The following ANKRD18B variants were observed in gnomAD, a reference collection of about 807,000 sequenced individuals.
ANKRD18B encodes the protein ankyrin repeat domain-containing protein 18B.
ANKRD18B carries 75 observed loss-of-function variants against 111.8 expected under a neutral mutation model. The observed-to-expected ratio is 0.67, with a 90% confidence interval of 0.56 to 0.81. The LOEUF (loss-of-function observed/expected upper bound fraction) is 0.81, where lower values mean the gene tolerates loss of function less well. Among genes scored for constraint, ANKRD18B ranks in the 40% least tolerant of loss-of-function variants. ANKRD18B has a pLI of 0.00. For synonymous variants in ANKRD18B, 356 were observed against 417.3 expected, an observed-to-expected ratio of 0.85 and a Z score of 1.79; for missense variants, 1,038 against 1,225.5, an observed-to-expected ratio of 0.85 and a Z score of 2.28.
At chr9:33,535,508 C>T (rs1367349612) in intron 5 of ANKRD18B, among the ~76,000 whole-genome samples, 1 of 151,604 alleles carries the variant, frequency 6.6e-6, no homozygotes, top group African/African-American at 2.4e-5. Flanking sequence ...AGGATGGTCT[C>T]GATCTCCTGA....
chr9:33,530,476 G>A (rs549660061), intron 3 of ANKRD18B, among the ~76,000 whole-genome samples: 30 of 138,626 alleles, frequency 2.2e-4, no homozygotes, highest in African/African-American at 7.0e-4. Context: ...GTGAAACCCC[G>A]TCTCTACTAA....
At chr9:33,574,935 A>T (rs1328830964), downstream of ANKRD18B, among the ~76,000 whole-genome samples, 1 of 152,110 alleles carries the variant, frequency 6.6e-6, no homozygotes, top group Non-Finnish European at 1.5e-5. Context: ...GACACACAGC[A>T]GTCTCTGTGA....
chr9:33,537,116 G>A (rs1828213610), intron 6 of ANKRD18B, among the ~76,000 whole-genome samples, 171 bp downstream of exon 6: 2 of 152,068 alleles, frequency 1.3e-5, no homozygotes, highest in African/African-American at 4.8e-5. Flanking sequence ...GGCTAACATG[G>A]TGAAACCCCA....
At chr9:33,526,920 C>A (rs1295370828) in intron 1 of ANKRD18B, among the ~76,000 whole-genome samples, 1 of 152,148 alleles carries the variant, frequency 6.6e-6, no homozygotes, top group Non-Finnish European at 1.5e-5. Flanking sequence ...AGCTCCCCAA[C>A]TGTATTCTAT....
In ANKRD18B at chr9:33,524,585, C is replaced by T. The variant is rs1432891287; in HGVS notation, c.96C>T (p.Asp32=). The change falls in exon 1 of 19, where the codon GAC becomes GAT. Residue 32 remains aspartate (D), a synonymous_variant. Coordinates refer to ENST00000684830, the MANE Select transcript of ANKRD18B (RefSeq NM_001393611.1). The part of the protein sequence containing the change: ...EYAGRGYHIR[D]WELRKIHRAA... ...CGGGTCGGGGGTACCACATTCGGGA[C>T]TGGGAACTGCGGAAGATCCACAGGG... The T allele has an allele frequency of 5.8e-6, 9 of 1,551,530 alleles. No individual in the cohort carries two copies. The highest frequency in any genetic ancestry group is 7.0e-6 in the Non-Finnish European group (8 of 1,146,846).
At chr9:33,565,143 A>C (rs1245081435) in intron 14 of ANKRD18B, among the ~76,000 whole-genome samples, 1 of 152,220 alleles carries the variant, frequency 6.6e-6, no homozygotes, top group Non-Finnish European at 1.5e-5. Flanking sequence ...ATAGTTTGAT[A>C]ACTTTGGGCC....
At chr9:33,570,456 G>GA (rs71506123) in intron 17 of ANKRD18B, among the ~76,000 whole-genome samples, 71,579 of 145,160 alleles carry the variant, frequency 0.49, 18,211 homozygotes, top group South Asian at 0.58. Context: ...ATACAAACTA[G>GA]AAAAAAAAAA....
rs1828802462 is a variant in ANKRD18B at position 33,572,806 on chromosome 9, T to C, written c.*372T>C. On this transcript the variant is annotated 3_prime_UTR_variant, in exon 19 of 19. Transcript: ENST00000684830. The stretch of plus-strand genomic sequence containing the variant: ...CATACTAGTGTTATGATTTTCTTTT[T>C]GTAGTTCAATAGTATTTTGTGTGGA... 1.1e-6 allele frequency: 1 copy of C among 899,854 alleles called. No individual in the cohort carries two copies. The highest frequency in any genetic ancestry group is 1.8e-5 in the African/African-American group (1 of 55,416). The allele number at this position is 899,854 out of a possible 1,614,324, so 55.7% of individuals were successfully genotyped here.
chr9:33,524,428 A>G lies in ANKRD18B; in HGVS notation c.-62A>G. On this transcript the variant is annotated 5_prime_UTR_variant, in exon 1 of 19. Coordinates refer to ENST00000684830, the MANE Select transcript of ANKRD18B (RefSeq NM_001393611.1). ...CGAATTTGGAGCTGGGTGGGGGTGG[A>G]AAGGCCACGAGGAGCCGCGGCGTCT... is the stretch of plus-strand genomic sequence containing the variant. The G allele has an allele frequency of 6.8e-7, 1 of 1,474,028 alleles. No homozygotes were observed. Among genetic ancestry groups the G allele is most frequent in the Non-Finnish European group, 9.0e-7 (1 of 1,110,172 alleles). The allele number at this position is 1,474,028 out of a possible 1,614,324, so 91.3% of individuals were successfully genotyped here. A position where few individuals can be genotyped will look rare whatever the true frequency, so the allele number is the denominator to read the frequency against.
chr9:33,542,147 C>T (rs1460364936), intron 9 of ANKRD18B, among the ~76,000 whole-genome samples: 1 of 149,954 alleles, frequency 6.7e-6, no homozygotes, highest in Non-Finnish European at 1.5e-5. Flanking sequence ...TTAGCAGGAA[C>T]TCAATAAATA....
At chr9:33,557,605 A>T (rs564897372) in intron 13 of ANKRD18B, among the ~76,000 whole-genome samples, 1 of 152,142 alleles carries the variant, frequency 6.6e-6, no homozygotes, top group African/African-American at 2.4e-5. Context: ...CCTGACCAAC[A>T]TGGTGAACCC....
intron 9 of ANKRD18B, among the ~76,000 whole-genome samples, chr9:33,542,908 G>A (rs1828300841): frequency 6.6e-6 from 1 of 151,872 alleles, no homozygotes; most frequent in South Asian, 2.1e-4. Context: ...TTTGTTTCCA[G>A]CAGTTTTTTT....
At chr9:33,528,441 C>T (rs1828058095) in intron 1 of ANKRD18B, among the ~76,000 whole-genome samples, 1 of 152,182 alleles carries the variant, frequency 6.6e-6, no homozygotes, top group Admixed American at 6.5e-5. Flanking sequence ...TGAGGAAATT[C>T]AGGCACAGAA....
chr9:33,550,946 T>G (rs541038), intron 12 of ANKRD18B, among the ~76,000 whole-genome samples: 132 of 152,328 alleles, frequency 8.7e-4, no homozygotes, highest in Admixed American at 2.4e-3. Flanking sequence ...GAATATTCCA[T>G]CAAGTTGTCT....
At chr9:33,527,010 C>A (rs1442323041) in intron 1 of ANKRD18B, among the ~76,000 whole-genome samples, 1 of 152,140 alleles carries the variant, frequency 6.6e-6, no homozygotes, top group African/African-American at 2.4e-5. Context: ...TGCTTCCATA[C>A]TTAAAAACTT....
At chr9:33,565,130 A>C (rs1225612066) in intron 14 of ANKRD18B, among the ~76,000 whole-genome samples, 1 of 152,216 alleles carries the variant, frequency 6.6e-6, no homozygotes, top group Non-Finnish European at 1.5e-5. Context: ...ATGTTTACTT[A>C]CAATAGTTTG....
intron 16 of ANKRD18B, among the ~76,000 whole-genome samples, chr9:33,568,290 T>A (rs1170746942): frequency 6.6e-6 from 1 of 152,202 alleles, no homozygotes; most frequent in Non-Finnish European, 1.5e-5. Flanking sequence ...TCAAGCAAAT[T>A]AACATAATCA....
At chr9:33,526,952 A>G in intron 1 of ANKRD18B, among the ~76,000 whole-genome samples, 1 of 152,212 alleles carries the variant, frequency 6.6e-6, no homozygotes. Context: ...TTCATCAAAC[A>G]TAACCTGAAT....
chr9:33,536,756 G>A lies in ANKRD18B; in HGVS notation c.741-122G>A, dbSNP rs1213699061. The A allele has an allele frequency of 6.7e-6, 4 of 598,002 alleles. No homozygotes were observed. In the East Asian group the frequency reaches 1.5e-4, roughly 23 times the overall value. The allele number at this position is 598,002 out of a possible 1,614,324, so 37.0% of individuals were successfully genotyped here. On this transcript the variant is annotated intron_variant, in intron 5 of 18. Coordinates refer to ENST00000684830, the MANE Select transcript of ANKRD18B (RefSeq NM_001393611.1). ...GAGCTTAAAATTTTAAAGTGTATTGGACATTAGATTTCTGATATTAGCTCT... is the reference window on the plus strand; with the variant it reads ...GAGCTTAAAATTTTAAAGTGTATTGAACATTAGATTTCTGATATTAGCTCT...
Sources: allele counts gnomAD v4.1 joint callset (sites outside exome capture counted in the v4.1 genomes callset), GRCh38; gene constraint gnomAD v4.1.1; transcripts MANE v1.5; gene names NCBI Gene and HGNC (gene_info 2026-07-23, HGNC 2026-07-21).